Variants in WDFY4 observed in about 807,000 individuals in gnomAD.
WDFY4 encodes WDFY family member 4.
Under a neutral mutation model 351.9 loss-of-function variants are expected in WDFY4, and 169 were observed. The observed-to-expected ratio is 0.48, with a 90% CI of 0.42 to 0.55. The LOEUF (loss-of-function observed/expected upper bound fraction) is 0.55, where lower values mean the gene tolerates loss of function less well. Ranked by LOEUF, WDFY4 falls within the 20% of genes least tolerant of loss-of-function variation. The pLI is 0.00. For missense variants in WDFY4, 3,803 were observed against 3,935.6 expected (o/e 0.97, Z 0.90); for synonymous variants, 1,622 against 1,574.6 (o/e 1.03, Z -0.71).
chr10:48,827,871 A>G (rs2068057136), intron 36 of WDFY4, among the ~76,000 whole-genome samples: 2 of 145,258 alleles, frequency 1.4e-5, no homozygotes, highest in African/African-American at 2.7e-5. Flanking sequence ...CATTTTCAGT[A>G]TGTGGTTTAA....
rs1418493638 is a variant in WDFY4, at chr10:48,786,906, T to C, written c.3808+36T>C. 8.5e-6 allele frequency: 13 copies of C among 1,524,868 alleles called. 1 individual carries two copies. The Admixed American group carries it at 1.0e-4, about 12-fold the overall frequency. 94.5% of individuals were successfully genotyped at this position (1,524,868 alleles called of 1,614,324 possible). A position where few individuals can be genotyped will look rare whatever the true frequency, so the allele number is the denominator to read the frequency against. On this transcript the variant is annotated intron_variant, in intron 20 of 61. Transcript: ENST00000325239. ...TTTTGATTTACAATGTTCTTGCTGA[T>C]ATTAGTTTTTAAATGGACATCCAGT... is the stretch of plus-strand genomic sequence containing the variant.
At position 48,733,965 on chromosome 10, in the gene WDFY4, A is replaced by G; in HGVS notation, c.1617A>G (p.Pro539=). Residue 539 remains proline, a synonymous_variant, in exon 10 of 62, where the codon CCA becomes CCG. Coordinates refer to ENST00000325239, the MANE Select transcript of WDFY4 (RefSeq NM_001394531.1). ...TGTCCACTCCTGGTGTTCAGGATCC[A>G]GAAAGAGAACTCACCTGTGTGATGC... ...NKVSTPGVQD[P]ERELTCVMLR... is the part of the protein sequence containing the mutation. 1 of 1,551,808 alleles carries G rather than the reference A, an allele frequency of 6.4e-7. No homozygotes were observed. The highest frequency in any genetic ancestry group is 8.7e-7 in the Non-Finnish European group (1 of 1,147,018).
intron 47 of WDFY4, chr10:48,913,540 G>T (rs1214360371): frequency 8.7e-6 from 14 of 1,614,020 alleles, no homozygotes; most frequent in Non-Finnish European, 1.2e-5. Context: ...GCCGCACACA[G>T]ATCCTTCTCC....
intron 41 of WDFY4, 128 bp downstream of exon 41, chr10:48,873,825 A>G (rs1178786992): frequency 7.5e-6 from 8 of 1,065,246 alleles, no homozygotes; most frequent in Non-Finnish European, 8.0e-6. Flanking sequence ...AATGTAGGAG[A>G]GTCCCAAAAT....
rs1163399125 is a variant in WDFY4 at position 48,953,607 on chromosome 10, G to A, written c.7978-3522G>A. Among the ~76,000 whole-genome samples, 5 of 152,170 alleles carry A rather than the reference G, an allele frequency of 3.3e-5. No individual in the cohort carries two copies. In the East Asian group the frequency reaches 9.6e-4, roughly 29 times the overall value. The stretch of plus-strand genomic sequence containing the variant: ...GGTCCTGTAAGTGAGTTGTTTGCAT[G>A]GGTACTTTTAAATTACTGGAAAGAA... On this transcript the variant is annotated intron_variant, in intron 51 of 61. Coordinates refer to ENST00000325239, the MANE Select transcript of WDFY4 (RefSeq NM_001394531.1).
At chr10:48,903,613 G>A (rs1050701485) in intron 47 of WDFY4, among the ~76,000 whole-genome samples, 5 of 152,204 alleles carry the variant, frequency 3.3e-5, no homozygotes, top group Non-Finnish European at 5.9e-5. Flanking sequence ...TAAGACAGAG[G>A]ATTTAGGCTT....
chr10:48,945,993 A>T (rs1564519282), intron 49 of WDFY4, 47 bp from the exon 50 acceptor site: 1 of 1,320,260 alleles, frequency 7.6e-7, no homozygotes, highest in Non-Finnish European at 1.0e-6. Flanking sequence ...CTCCTAGGGC[A>T]CAAGCGGGTC....
chr10:48,917,495 C>T (rs150737152), intron 47 of WDFY4, among the ~76,000 whole-genome samples: 59 of 152,198 alleles, frequency 3.9e-4, no homozygotes, highest in African/African-American at 1.3e-3. Flanking sequence ...TGAAAGCTGC[C>T]GGAGAACAAT....
intron 13 of WDFY4, among the ~76,000 whole-genome samples, chr10:48,768,896 G>A (rs1214341883): frequency 6.6e-6 from 1 of 152,198 alleles, no homozygotes; most frequent in African/African-American, 2.4e-5. Flanking sequence ...GATGGGATTG[G>A]AAAGGACATT....
At chr10:48,693,264 G>A (rs2063243720) in intron 1 of WDFY4, among the ~76,000 whole-genome samples, 1 of 152,174 alleles carries the variant, frequency 6.6e-6, no homozygotes, top group African/African-American at 2.4e-5. Flanking sequence ...ACAGTGTGGG[G>A]TGGATGGGAG....
At chr10:48,756,758 G>T (rs78352138) in intron 12 of WDFY4, among the ~76,000 whole-genome samples, 1 of 152,078 alleles carries the variant, frequency 6.6e-6, no homozygotes, top group East Asian at 1.9e-4. Context: ...ACTGATTTTT[G>T]AATATTAAAC....
At chr10:48,941,722 G>A in intron 47 of WDFY4, 84 bp from the exon 48 acceptor site, 1 of 1,426,268 alleles carries the variant, frequency 7.0e-7, no homozygotes, top group Non-Finnish European at 9.7e-7. Flanking sequence ...CTGGTCCCGT[G>A]AAGCCCAGGC....
chr10:48,828,482 T>G (rs2133045776), intron 36 of WDFY4, among the ~76,000 whole-genome samples: 1 of 152,226 alleles, frequency 6.6e-6, no homozygotes, highest in East Asian at 1.9e-4. Context: ...AAGAAATGAC[T>G]AGTTTTGATG....
intron 19 of WDFY4, among the ~76,000 whole-genome samples, chr10:48,783,931 C>T (rs1033921743): frequency 1.3e-5 from 2 of 152,170 alleles, no homozygotes; most frequent in Non-Finnish European, 2.9e-5. Context: ...CATATGTGCT[C>T]TGACACTGAC....
At chr10:48,787,894 C>CTCTTTCT (rs2066498121) in intron 20 of WDFY4, among the ~76,000 whole-genome samples, 2 of 28,920 alleles carry the variant, frequency 6.9e-5, no homozygotes, top group African/African-American at 3.2e-4. Flanking sequence ...TCTTCTTCTC[C>CTCTTTCT]TTCTTCTTCT....
intron 36 of WDFY4, 123 bp downstream of exon 36, chr10:48,827,032 CTTCCATA>C: frequency 1.2e-6 from 1 of 831,822 alleles, no homozygotes; most frequent in Non-Finnish European, 1.8e-6. Context: ...TTTATCTGGT[CTTCCATA>C]TTTTGTGAAA....
chr10:48,761,321 A>G (rs1200771128), intron 13 of WDFY4, among the ~76,000 whole-genome samples: 2 of 152,172 alleles, frequency 1.3e-5, no homozygotes, highest in African/African-American at 2.4e-5. Flanking sequence ...GTGGAGGGTG[A>G]CATGATCAGA....
intron 59 of WDFY4, among the ~76,000 whole-genome samples, 195 bp from the exon 60 acceptor site, chr10:48,978,114 C>T (rs1455051748): frequency 6.6e-6 from 1 of 152,134 alleles, no homozygotes; most frequent in East Asian, 1.9e-4. Context: ...CTGTGATTGG[C>T]CAAACCTCTG....
rs1227214193 is a variant in WDFY4 at position 48,822,512 on chromosome 10, T to C, written c.5957T>C (p.Leu1986Pro). 1 of 1,547,666 alleles carries C rather than the reference T, an allele frequency of 6.5e-7. No individual in the cohort carries two copies. Among genetic ancestry groups the C allele is most frequent in the East Asian group, 2.4e-5 (1 of 40,834 alleles). ...MFSADPRHIL[L>P]FILEHIMVVI... Reference sequence around the variant, plus strand: ...TCGGCAGACCCCAGGCATATCCTCCTCTTCATCCTGGAGCACATCATGGTG... The same window carrying C: ...TCGGCAGACCCCAGGCATATCCTCCCCTTCATCCTGGAGCACATCATGGTG... Residue 1986 changes from leucine (L) to proline (P), a missense_variant, in exon 35 of 62, where the codon CTC (leucine) becomes CCC (proline). Leu to Pro is a moderately conservative substitution (Grantham distance 98, BLOSUM62 -3). Coordinates refer to ENST00000325239, the MANE Select transcript of WDFY4 (RefSeq NM_001394531.1).
Sources: allele counts gnomAD v4.1 joint callset (sites outside exome capture counted in the v4.1 genomes callset), GRCh38; gene constraint gnomAD v4.1.1; transcripts MANE v1.5; gene names NCBI Gene and HGNC (gene_info 2026-07-23, HGNC 2026-07-21).